The following SLC7A7 variants were observed in gnomAD, a reference collection of about 807,000 sequenced individuals.
SLC7A7 encodes the protein solute carrier family 7 member 7.
In SLC7A7, 39 loss-of-function variants were observed where a neutral mutation model predicts 47.9. The observed-to-expected ratio is 0.81, with a 90% CI of 0.63 to 1.06. The LOEUF is 1.06. Among genes scored for constraint, SLC7A7 ranks in the 50% least tolerant of loss-of-function variants. SLC7A7 has a pLI of 0.00. For synonymous variants in SLC7A7, 234 were observed against 242.8 expected, an observed-to-expected ratio of 0.96 and a Z score of 0.34; for missense variants, 588 against 632.0, an observed-to-expected ratio of 0.93 and a Z score of 0.75.
upstream of SLC7A7, chr14:22,815,800 A>C (rs1229413543): frequency 4.9e-6 from 2 of 408,186 alleles, no homozygotes; most frequent in Admixed American, 5.2e-5. Flanking sequence ...TGTGTCCTCC[A>C]TGCCCCACCC....
At chr14:22,818,903 T>C (rs2039441876), upstream of SLC7A7, among the ~76,000 whole-genome samples, 1 of 152,070 alleles carries the variant, frequency 6.6e-6, no homozygotes, top group African/African-American at 2.4e-5. Flanking sequence ...ACCCCAGGTT[T>C]TACATGAGAA....
intron 4 of SLC7A7, among the ~76,000 whole-genome samples, chr14:22,776,791 A>C (rs1229160949): frequency 6.6e-6 from 1 of 152,112 alleles, no homozygotes; most frequent in Non-Finnish European, 1.5e-5. Context: ...AACATGGCAA[A>C]ACCCTGTTCC....
intron 5 of SLC7A7, 102 bp from the exon 6 acceptor site, chr14:22,776,038 C>T: frequency 7.0e-7 from 1 of 1,420,404 alleles, no homozygotes; most frequent in Non-Finnish European, 1.0e-6. Context: ...TCCAACCTTT[C>T]TTCCACAGTG....
chr14:22,809,802 C>T (rs1455817638), intron 2 of SLC7A7, among the ~76,000 whole-genome samples: 2 of 152,012 alleles, frequency 1.3e-5, no homozygotes, highest in African/African-American at 2.4e-5. Flanking sequence ...AGGATTTAAA[C>T]ATGTATGTCT....
intron 2 of SLC7A7, among the ~76,000 whole-genome samples, chr14:22,812,682 A>G (rs2138660470): frequency 6.6e-6 from 1 of 151,096 alleles, no homozygotes; most frequent in East Asian, 1.9e-4. Context: ...CAAACTGCTA[A>G]TAGTGCTTAC....
chr14:22,811,713 A>C (rs1246302533), intron 2 of SLC7A7, among the ~76,000 whole-genome samples: 3 of 151,984 alleles, frequency 2.0e-5, no homozygotes, highest in Non-Finnish European at 4.4e-5. Context: ...TTAGCTAGGC[A>C]TGGTGGCACA....
chr14:22,817,339 ATTTTAT>A, upstream of SLC7A7: 9 of 215,158 alleles, frequency 4.2e-5, no homozygotes, highest in Admixed American at 6.0e-5. Context: ...ATTTTATTTT[ATTTTAT>A]TTTATTTATT....
At chr14:22,777,778 A>T (rs2038642858) in intron 4 of SLC7A7, among the ~76,000 whole-genome samples, 1 of 152,216 alleles carries the variant, frequency 6.6e-6, no homozygotes, top group Admixed American at 6.5e-5. Flanking sequence ...CTTTTCACTT[A>T]AGCATTTACA....
intron 2 of SLC7A7, among the ~76,000 whole-genome samples, chr14:22,798,666 C>G (rs2039058571): frequency 6.6e-6 from 1 of 152,212 alleles, no homozygotes; most frequent in Non-Finnish European, 1.5e-5. Context: ...CTTTCAGAAT[C>G]ATTCATCTGA....
At chr14:22,792,850 C>T (rs10134386) in intron 2 of SLC7A7, among the ~76,000 whole-genome samples, 135,529 of 139,302 alleles carry the variant, frequency 0.97, 66,044 homozygotes, top group East Asian at 1. Context: ...AGTGTGAGGC[C>T]CCGTCTCAAA....
chr14:22,773,310 C>T lies in SLC7A7; in HGVS notation c.*300G>A, dbSNP rs1012442448. On this transcript the variant is annotated 3_prime_UTR_variant, in exon 10 of 10. Transcript: ENST00000674313. ...GACAGGAAATTGGAGCATTGTGGGC[C>T]CTTTTAAAAGAAAAGAGGAGTAGGT... The T allele has an allele frequency of 3.9e-6, 2 of 509,192 alleles. No homozygotes were observed. Among genetic ancestry groups the T allele is most frequent in the East Asian group, 1.1e-4 (2 of 18,564 alleles). The allele number at this position is 509,192 out of a possible 1,614,324, so 31.5% of individuals were successfully genotyped here.
chr14:22,775,793 C>T (rs762508285), intron 6 of SLC7A7, 40 bp downstream of exon 6: 1 of 1,395,800 alleles, frequency 7.2e-7, no homozygotes, highest in Non-Finnish European at 1.0e-6. Flanking sequence ...ACTGCATAGC[C>T]CTTTGATGAT....
In SLC7A7 at chr14:22,788,678, C is replaced by T. The variant is rs183366453; in HGVS notation, c.500-8627G>A. Among the ~76,000 whole-genome samples the T allele has an allele frequency of 5.8e-3, 856 of 148,524 alleles. 2 individuals carry two copies. The highest frequency in any genetic ancestry group is 8.2e-3 in the Non-Finnish European group (552 of 67,562). ...AAGATCCTACCACTGCACTCCAGCC[C>T]GGGCGACAGAGTGAGACTCTGTCTG... is the stretch of plus-strand genomic sequence containing the variant. On this transcript the variant is annotated intron_variant, in intron 2 of 9. Transcript: ENST00000674313.
intron 4 of SLC7A7, among the ~76,000 whole-genome samples, chr14:22,776,934 A>G (rs576722851): frequency 6.6e-6 from 1 of 150,726 alleles, no homozygotes; most frequent in East Asian, 2.0e-4. Context: ...GTGCCACTGC[A>G]CTCCAGCATG....
intron 2 of SLC7A7, among the ~76,000 whole-genome samples, chr14:22,810,039 CAAAAAAAAAAAA>C (rs34386018): frequency 1.6e-5 from 1 of 60,694 alleles, no homozygotes; most frequent in African/African-American, 7.4e-5. Flanking sequence ...AACACTGTCT[CAAAAAAAAAAAA>C]AAAAAAAAAA....
At chr14:22,786,356 C>T (rs1218667466) in intron 2 of SLC7A7, among the ~76,000 whole-genome samples, 1 of 152,208 alleles carries the variant, frequency 6.6e-6, no homozygotes, top group Non-Finnish European at 1.5e-5. Flanking sequence ...CCCCTTGAGT[C>T]TTTACTCCTT....
intron 2 of SLC7A7, among the ~76,000 whole-genome samples, chr14:22,781,335 C>T (rs2038716147): frequency 6.6e-6 from 1 of 152,180 alleles, no homozygotes; most frequent in Admixed American, 6.5e-5. Context: ...CTACTTCATC[C>T]TGAGAAGCAG....
chr14:22,817,447 C>A (rs1010472948), upstream of SLC7A7, among the ~76,000 whole-genome samples: 9 of 152,178 alleles, frequency 5.9e-5, no homozygotes, highest in Non-Finnish European at 1.3e-4. Flanking sequence ...TCAAGCAATT[C>A]TCCTGCCTCA....
intron 2 of SLC7A7, among the ~76,000 whole-genome samples, chr14:22,794,423 T>C (rs1416537623): frequency 6.6e-6 from 1 of 152,130 alleles, no homozygotes; most frequent in Non-Finnish European, 1.5e-5. Context: ...GAGGGTCTTA[T>C]AGTAACAACC....
Sources: gnomAD v4.1 joint callset for allele counts (sites outside exome capture counted in the v4.1 genomes callset) on GRCh38, gnomAD v4.1.1 for gene constraint, MANE v1.5 for transcripts, NCBI Gene and HGNC (gene_info 2026-07-23, HGNC 2026-07-21) for gene names.